BCAS3: variants seen among roughly 807,000 people sequenced by gnomAD.
BCAS3 encodes the protein BCAS3 microtubule associated cell migration factor, also known as BCAS4/BCAS3 fusion.
In BCAS3, 53 loss-of-function variants were observed where a neutral mutation model predicts 116.1. The ratio of observed to expected loss-of-function variants is 0.46; its 90% CI spans 0.37 to 0.57. The LOEUF is 0.57. BCAS3 is among the 20% of genes least tolerant of loss of function. The pLI is 0.00. For missense variants in BCAS3, 917 were observed against 1,165.4 expected, an observed-to-expected ratio of 0.79 and a Z score of 3.10; for synonymous variants, 391 against 408.2, an observed-to-expected ratio of 0.96 and a Z score of 0.51.
chr17:61,335,694 G>A lies in BCAS3; in HGVS notation c.2426-32633G>A, dbSNP rs527860215. Among the ~76,000 whole-genome samples, 8 of 152,298 alleles carry A rather than the reference G, an allele frequency of 5.3e-5. No homozygotes were observed. In the South Asian group the frequency reaches 1.2e-3, roughly 24 times the overall value. ...GGCCAGAAGTTCAAGACCAGCCTGG[G>A]CAACAAAGCAAGACCCCATCTCTAG... On this transcript the variant is annotated intron_variant, in intron 22 of 23. Transcript: ENST00000407086.
intron 6 of BCAS3, among the ~76,000 whole-genome samples, chr17:60,768,024 T>G (rs532050938): frequency 6.6e-6 from 1 of 152,322 alleles, no homozygotes; most frequent in South Asian, 2.1e-4. Context: ...GGTCTCAAAT[T>G]ACTGGCCTCA....
chr17:61,067,726 C>CAAAAAAA (rs377228440), intron 19 of BCAS3, among the ~76,000 whole-genome samples: 2 of 108,986 alleles, frequency 1.8e-5, no homozygotes, highest in Non-Finnish European at 3.8e-5. Flanking sequence ...AACAAACAAA[C>CAAAAAAA]AAAAAAAAAA....
intron 12 of BCAS3, among the ~76,000 whole-genome samples, chr17:60,912,536 A>C (rs1441707389): frequency 6.6e-6 from 1 of 152,132 alleles, no homozygotes; most frequent in Non-Finnish European, 1.5e-5. Flanking sequence ...TTTTACTTGA[A>C]ATCTGAGTAA....
chr17:60,797,796 A>G (rs1028166545), intron 6 of BCAS3, among the ~76,000 whole-genome samples: 1 of 152,104 alleles, frequency 6.6e-6, no homozygotes, highest in Non-Finnish European at 1.5e-5. Context: ...TTAATTAGTA[A>G]GCTTTATTTC....
chr17:60,870,599 G>T (rs954331770), intron 8 of BCAS3, among the ~76,000 whole-genome samples: 1 of 152,076 alleles, frequency 6.6e-6, no homozygotes, highest in Non-Finnish European at 1.5e-5. Flanking sequence ...AACACTTATC[G>T]CTCCTCCATT....
At chr17:61,158,931 A>T (rs1268163309) in intron 22 of BCAS3, among the ~76,000 whole-genome samples, 1 of 152,190 alleles carries the variant, frequency 6.6e-6, no homozygotes, top group African/African-American at 2.4e-5. Context: ...AAAGGAAATT[A>T]TTTATACATC....
At chr17:61,047,121 C>T (rs552509146) in intron 19 of BCAS3, among the ~76,000 whole-genome samples, 57 of 152,026 alleles carry the variant, frequency 3.7e-4, no homozygotes, top group African/African-American at 1.3e-3. Context: ...ATCCTGTATT[C>T]TTAAATTATA....
chr17:60,790,870 A>G (rs2046710588), intron 6 of BCAS3, among the ~76,000 whole-genome samples: 1 of 151,044 alleles, frequency 6.6e-6, no homozygotes, highest in South Asian at 2.1e-4. Flanking sequence ...CAGCCTCCCA[A>G]GTAGCCAGGA....
At position 61,339,328 on chromosome 17, in the gene BCAS3, G is replaced by T. The variant is rs1239820119; in HGVS notation, c.2426-28999G>T. 6.6e-6 allele frequency among the ~76,000 whole-genome samples: 1 copy of T among 152,200 alleles called. No individual in the cohort carries two copies. The highest frequency in any genetic ancestry group is 2.4e-5 in the African/African-American group (1 of 41,438). ...GGGTTTTGGTTTGGTGAGTGCACTG[G>T]CTCCCTTGGATCCAGGGGATAAGGA... On this transcript the variant is annotated intron_variant, in intron 22 of 23. Coordinates refer to ENST00000407086, the MANE Select transcript of BCAS3 (RefSeq NM_017679.5). This position sits in a 1 kb window ranked among gnomAD's most constrained non-coding sequence, Gnocchi z 4.4.
At chr17:60,708,680 C>T (rs561811186) in intron 4 of BCAS3, among the ~76,000 whole-genome samples, 1 of 152,150 alleles carries the variant, frequency 6.6e-6, no homozygotes, top group East Asian at 1.9e-4. Context: ...ACAGGTGCGG[C>T]ACCACACCCG....
At chr17:60,767,470 A>G (rs1325785633) in intron 6 of BCAS3, among the ~76,000 whole-genome samples, 3 of 149,062 alleles carry the variant, frequency 2.0e-5, no homozygotes, top group Non-Finnish European at 3.0e-5. Flanking sequence ...TCAGCCTCTC[A>G]GGAAGCTGGG....
chr17:60,714,342 C>T (rs1392299049), intron 5 of BCAS3, among the ~76,000 whole-genome samples: 1 of 152,078 alleles, frequency 6.6e-6, no homozygotes, highest in Non-Finnish European at 1.5e-5. Context: ...GTTTTTGCTT[C>T]TAGTATATGC....
In BCAS3 at chr17:61,082,351, A is replaced by G. The variant is rs2072695721; in HGVS notation, c.2328-2116A>G. On this transcript the variant is annotated intron_variant, in intron 21 of 23. Coordinates refer to ENST00000407086, the MANE Select transcript of BCAS3 (RefSeq NM_017679.5). This position sits in a 1 kb window ranked among gnomAD's most constrained non-coding sequence, Gnocchi z 5.1. ...ATTTCAGAACGTTTCCATCATCCCA[A>G]CCAGTTTTTCTCTTTTTTTAATTAT... is the stretch of plus-strand genomic sequence containing the variant. Among the ~76,000 whole-genome samples the G allele has an allele frequency of 6.6e-6, 1 of 152,142 alleles. No individual in the cohort carries two copies. Among genetic ancestry groups the G allele is most frequent in the Non-Finnish European group, 1.5e-5 (1 of 68,026 alleles).
intron 22 of BCAS3, among the ~76,000 whole-genome samples, chr17:61,272,487 G>T (rs548415049): frequency 7.3e-5 from 11 of 151,310 alleles, no homozygotes; most frequent in Admixed American, 5.9e-4. Context: ...ACAAAAATTA[G>T]CCAGGCATGA....
At chr17:61,061,994 A>T (rs2070101229) in intron 19 of BCAS3, among the ~76,000 whole-genome samples, 1 of 152,156 alleles carries the variant, frequency 6.6e-6, no homozygotes, top group Admixed American at 6.5e-5. Flanking sequence ...TGAATCTAAA[A>T]ATAGGGGGAA....
chr17:61,067,292 T>TATACAGATATATATATATCTATATAG (rs2070761346), intron 19 of BCAS3, among the ~76,000 whole-genome samples: 1 of 126,248 alleles, frequency 7.9e-6, no homozygotes, highest in Non-Finnish European at 1.7e-5. Context: ...TATATATATA[T>TATACAGATATATATATATCTATATAG]ATATATATAT....
At chr17:60,780,990 A>G (rs1037082447) in intron 6 of BCAS3, among the ~76,000 whole-genome samples, 1 of 151,388 alleles carries the variant, frequency 6.6e-6, no homozygotes, top group Non-Finnish European at 1.5e-5. Flanking sequence ...TTTTTTTGAG[A>G]TGGAGTCTCA....
intron 14 of BCAS3, among the ~76,000 whole-genome samples, chr17:60,965,226 A>ATTTTTTTTT (rs142254431): frequency 7.6e-6 from 1 of 131,558 alleles, no homozygotes. Flanking sequence ...GGTATATTGA[A>ATTTTTTTTT]TTTTTTTTTT....
rs921294729 is a variant in BCAS3 at position 61,131,597 on chromosome 17, C to T, written c.2425+47033C>T. On this transcript the variant is annotated intron_variant, in intron 22 of 23. Coordinates refer to ENST00000407086, the MANE Select transcript of BCAS3 (RefSeq NM_017679.5). This position sits in a 1 kb window ranked among gnomAD's most constrained non-coding sequence, Gnocchi z 4.4. ...TTCCTTCTTCATTAATTTATTTCTC[C>T]ATAAAGGCCTTTCTTCCTTGAGGTC... is the stretch of plus-strand genomic sequence containing the variant. 8.5e-5 allele frequency among the ~76,000 whole-genome samples: 13 copies of T among 152,254 alleles called. No individual in the cohort carries two copies. Among genetic ancestry groups the T allele is most frequent in the African/African-American group, 1.9e-4 (8 of 41,550 alleles).
Sources: gnomAD v4.1 joint callset for allele counts (sites outside exome capture counted in the v4.1 genomes callset) on GRCh38, gnomAD v4.1.1 for gene constraint, Gnocchi (gnomAD v3.1) non-coding constraint, MANE v1.5 for transcripts, NCBI Gene and HGNC (gene_info 2026-07-23, HGNC 2026-07-21) for gene names.